Variants in HSD17B12 observed in about 807,000 individuals in gnomAD.
HSD17B12 encodes very-long-chain 3-oxoacyl-CoA reductase.
In HSD17B12, 32 loss-of-function variants were observed where a neutral mutation model predicts 39.3. The observed-to-expected ratio is 0.81, with a 90% CI of 0.61 to 1.09. HSD17B12 has a LOEUF of 1.09. Ranked by LOEUF, HSD17B12 falls within the 50% of genes least tolerant of loss-of-function variation. The probability of loss-of-function intolerance (pLI) is 0.00; values close to 1 mark genes in which losing one functional copy is unlikely to be tolerated. For synonymous variants in HSD17B12, 150 were observed against 146.7 expected, an observed-to-expected ratio of 1.02 and a Z score of -0.16; for missense variants, 342 against 382.9, an observed-to-expected ratio of 0.89 and a Z score of 0.89.
intron 2 of HSD17B12, among the ~76,000 whole-genome samples, chr11:43,751,572 A>C (rs1241281904): frequency 2.6e-5 from 4 of 152,182 alleles, no homozygotes; most frequent in Non-Finnish European, 5.9e-5. Flanking sequence ...ATTCTAATAA[A>C]GATCCCAGCA....
chr11:43,578,509 T>G, the HSD17B12 span, among the ~76,000 whole-genome samples: 1 of 152,220 alleles, frequency 6.6e-6, no homozygotes. Context: ...CAAATAACGC[T>G]GCAACCCACA....
chr11:43,587,389 T>C, the HSD17B12 span, among the ~76,000 whole-genome samples: 1 of 152,124 alleles, frequency 6.6e-6, no homozygotes, highest in Non-Finnish European at 1.5e-5. Flanking sequence ...AGACCCCAAG[T>C]TAAAATTTTT....
intron 1 of HSD17B12, among the ~76,000 whole-genome samples, chr11:43,742,134 TATA>T (rs376360739): frequency 0.21 from 23,795 of 115,344 alleles, 2,297 homozygotes; most frequent in Middle Eastern, 0.36. Context: ...TATATATATA[TATA>T]TATTTTTTTT....
At chr11:43,740,565 C>T (rs1950355277) in intron 1 of HSD17B12, among the ~76,000 whole-genome samples, 1 of 152,150 alleles carries the variant, frequency 6.6e-6, no homozygotes, top group African/African-American at 2.4e-5. Flanking sequence ...GACCTTGATT[C>T]CTATGATACT....
intron 1 of HSD17B12, among the ~76,000 whole-genome samples, chr11:43,683,104 GTT>G (rs145842097): frequency 4.1e-4 from 57 of 140,598 alleles, no homozygotes; most frequent in South Asian, 1.1e-3. Context: ...GTTTTTTTTT[GTT>G]TTTTTTTTTT....
chr11:43,693,130 C>T (rs1590664833), intron 1 of HSD17B12, among the ~76,000 whole-genome samples: 1 of 152,142 alleles, frequency 6.6e-6, no homozygotes, highest in East Asian at 1.9e-4. Context: ...GATTATGCAT[C>T]CAGTTAGAGA....
At chr11:43,819,075 G>A (rs1336738509) in intron 6 of HSD17B12, among the ~76,000 whole-genome samples, 2 of 152,094 alleles carry the variant, frequency 1.3e-5, no homozygotes, top group African/African-American at 4.8e-5. Context: ...ATCTTGTGCT[G>A]AGTTAATGAT....
intron 8 of HSD17B12, 26 bp downstream of exon 8, chr11:43,838,424 T>C (rs1951392034): frequency 4.0e-6 from 6 of 1,507,242 alleles, no homozygotes; most frequent in Non-Finnish European, 5.5e-6. Flanking sequence ...TTAAATCATG[T>C]CAATATAGTA....
chr11:43,704,191 G>A (rs988089159), intron 1 of HSD17B12, among the ~76,000 whole-genome samples: 3 of 152,204 alleles, frequency 2.0e-5, no homozygotes, highest in Non-Finnish European at 4.4e-5. Flanking sequence ...AAGTAAGCCT[G>A]ACGAAAAGGT....
At chr11:43,562,813 C>A in the HSD17B12 span, among the ~76,000 whole-genome samples, 1 of 152,206 alleles carries the variant, frequency 6.6e-6, no homozygotes, top group African/African-American at 2.4e-5. Context: ...TTCCCTGGAG[C>A]TTTCACTTCA....
intron 4 of HSD17B12, among the ~76,000 whole-genome samples, chr11:43,803,852 T>C (rs745885841): frequency 1.3e-5 from 2 of 152,214 alleles, no homozygotes; most frequent in Non-Finnish European, 2.9e-5. Flanking sequence ...AGAAAGCTTA[T>C]AAAACTTTGG....
intron 3 of HSD17B12, among the ~76,000 whole-genome samples, chr11:43,771,567 A>G (rs1198473813): frequency 6.7e-6 from 1 of 150,000 alleles, no homozygotes; most frequent in Non-Finnish European, 1.5e-5. Flanking sequence ...CCCGGGCTCA[A>G]GTGATTCTCC....
the HSD17B12 span, among the ~76,000 whole-genome samples, chr11:43,633,166 A>G: frequency 1.3e-5 from 2 of 152,178 alleles, no homozygotes; most frequent in African/African-American, 2.4e-5. Context: ...TTTCCCATAC[A>G]GTTTCGGTTC....
chr11:43,583,209 G>A, the HSD17B12 span, among the ~76,000 whole-genome samples: 1 of 152,220 alleles, frequency 6.6e-6, no homozygotes, highest in African/African-American at 2.4e-5. Flanking sequence ...CCACCGCAGC[G>A]CAGGCGGCTC....
intron 3 of HSD17B12, among the ~76,000 whole-genome samples, chr11:43,771,913 A>T (rs1950654296): frequency 6.6e-6 from 1 of 152,142 alleles, no homozygotes; most frequent in Admixed American, 6.5e-5. Context: ...TCTTCTATAA[A>T]CTGTCACCTT....
At chr11:43,716,523 G>A (rs1950124681) in intron 1 of HSD17B12, among the ~76,000 whole-genome samples, 1 of 151,902 alleles carries the variant, frequency 6.6e-6, no homozygotes, top group South Asian at 2.1e-4. Flanking sequence ...AGAGAACCAT[G>A]ATTTAATCAA....
At chr11:43,779,628 A>T (rs144879348) in intron 3 of HSD17B12, among the ~76,000 whole-genome samples, 1 of 152,236 alleles carries the variant, frequency 6.6e-6, no homozygotes, top group Non-Finnish European at 1.5e-5. Context: ...TGTGTTCCAC[A>T]TAAGTGAGAA....
In HSD17B12 at chr11:43,744,861, G is replaced by A. The variant is rs1950399516; in HGVS notation, c.161-6050G>A. ...GGTTGTAGCTGATACCATTGGCCCT[G>A]AACATAGGATGGCTCTAGAGAGATG... On this transcript the variant is annotated intron_variant, in intron 1 of 10. Coordinates refer to ENST00000278353, the MANE Select transcript of HSD17B12 (RefSeq NM_016142.3). Among the ~76,000 whole-genome samples, 3 of 152,348 alleles carry A rather than the reference G, an allele frequency of 2.0e-5. No individual in the cohort carries two copies. The East Asian group carries it at 5.8e-4, about 29-fold the overall frequency.
At chr11:43,772,396 T>G (rs1213370364) in intron 3 of HSD17B12, among the ~76,000 whole-genome samples, 3 of 151,740 alleles carry the variant, frequency 2.0e-5, no homozygotes, top group Admixed American at 2.0e-4. Flanking sequence ...AATTTTGGGG[T>G]TTTTTTTGGC....
Sources: allele counts gnomAD v4.1 joint callset (sites outside exome capture counted in the v4.1 genomes callset), GRCh38; gene constraint gnomAD v4.1.1; transcripts MANE v1.5; gene names NCBI Gene and HGNC (gene_info 2026-07-23, HGNC 2026-07-21).